Variants in PRELID2 observed in about 807,000 individuals in gnomAD.
PRELID2 encodes the protein PRELI domain containing 2.
A neutral mutation model predicts 28.4 loss-of-function variants in PRELID2; 25 were observed. The ratio of observed to expected loss-of-function variants is 0.88; its 90% CI spans 0.64 to 1.23. The LOEUF (loss-of-function observed/expected upper bound fraction) is 1.23. Among genes scored for constraint, PRELID2 ranks in the 50% most tolerant of loss-of-function variants. PRELID2 has a pLI of 0.00. For synonymous variants in PRELID2, 76 were observed against 71.6 expected, an observed-to-expected ratio of 1.06 and a Z score of -0.31; for missense variants, 201 against 214.4, an observed-to-expected ratio of 0.94 and a Z score of 0.39.
the PRELID2 span, among the ~76,000 whole-genome samples, chr5:145,308,057 C>T: frequency 6.6e-6 from 1 of 152,096 alleles, no homozygotes; most frequent in Admixed American, 6.5e-5. Context: ...AGGGAGGAAG[C>T]GGTAATACAC....
At chr5:145,574,777 C>A (rs1753046609) in intron 1 of PRELID2, among the ~76,000 whole-genome samples, 1 of 152,164 alleles carries the variant, frequency 6.6e-6, no homozygotes, top group East Asian at 1.9e-4. Context: ...CGCATATAAC[C>A]TGTGTATATC....
At chr5:145,492,935 G>A (rs2126628000) in intron 1 of PRELID2, among the ~76,000 whole-genome samples, 1 of 140,776 alleles carries the variant, frequency 7.1e-6, no homozygotes, top group South Asian at 2.7e-4. Flanking sequence ...CTGGTGCTGG[G>A]TGGTAAGCCC....
chr5:145,483,314 G>A (rs1244152670), intron 1 of PRELID2, among the ~76,000 whole-genome samples: 1 of 152,154 alleles, frequency 6.6e-6, no homozygotes, highest in African/African-American at 2.4e-5. Context: ...CAAATAGCAT[G>A]TTTCTACTAG....
At chr5:145,230,750 G>A in the PRELID2 span, among the ~76,000 whole-genome samples, 1 of 152,134 alleles carries the variant, frequency 6.6e-6, no homozygotes, top group Non-Finnish European at 1.5e-5. Context: ...GTTGGTTTTG[G>A]CTCAGAGATT....
the PRELID2 span, among the ~76,000 whole-genome samples, chr5:145,302,599 T>A: frequency 6.6e-6 from 1 of 152,054 alleles, no homozygotes; most frequent in Non-Finnish European, 1.5e-5. Context: ...TATTCTTTTT[T>A]ATTTTAGTAG....
At chr5:145,322,465 T>A in the PRELID2 span, among the ~76,000 whole-genome samples, 1 of 152,190 alleles carries the variant, frequency 6.6e-6, no homozygotes, top group African/African-American at 2.4e-5. Flanking sequence ...ACATGTAGCA[T>A]TGAGAGGACT....
intron 5 of PRELID2, among the ~76,000 whole-genome samples, chr5:145,777,639 G>T (rs1758494869): frequency 6.6e-6 from 1 of 152,124 alleles, no homozygotes; most frequent in African/African-American, 2.4e-5. Context: ...CATGAAGCTG[G>T]CAGGAGCCCA....
At chr5:145,283,139 T>C in the PRELID2 span, among the ~76,000 whole-genome samples, 1 of 152,158 alleles carries the variant, frequency 6.6e-6, no homozygotes, top group Non-Finnish European at 1.5e-5. Context: ...TGCTAAACTT[T>C]AATTGGAATG....
the PRELID2 span, among the ~76,000 whole-genome samples, chr5:145,362,802 T>C: frequency 6.6e-6 from 1 of 152,228 alleles, no homozygotes; most frequent in African/African-American, 2.4e-5. Context: ...CATATTCACA[T>C]GGTGTTTTGG....
downstream of PRELID2, among the ~76,000 whole-genome samples, chr5:145,470,213 C>T (rs1449357003): frequency 6.6e-6 from 1 of 152,046 alleles, no homozygotes; most frequent in African/African-American, 2.4e-5. Flanking sequence ...ACTTGACTCT[C>T]CTTCTGTAGC....
At chr5:145,749,240 C>G (rs1239801207) in intron 1 of PRELID2, among the ~76,000 whole-genome samples, 3 of 152,020 alleles carry the variant, frequency 2.0e-5, no homozygotes, top group African/African-American at 7.2e-5. Flanking sequence ...GGTCTAATAT[C>G]TAGAATTTAC....
chr5:145,610,285 G>A (rs1232603218), intron 1 of PRELID2, among the ~76,000 whole-genome samples: 1 of 152,090 alleles, frequency 6.6e-6, no homozygotes, highest in Non-Finnish European at 1.5e-5. Flanking sequence ...GTGTCCCCCT[G>A]CTTCCTTGAT....
chr5:145,641,917 A>G (rs1392443677), intron 1 of PRELID2, among the ~76,000 whole-genome samples: 1 of 152,126 alleles, frequency 6.6e-6, no homozygotes, highest in Non-Finnish European at 1.5e-5. Flanking sequence ...TCTATCCTTG[A>G]TGGACATTTG....
chr5:145,798,216 G>T (rs1009390729), intron 4 of PRELID2, among the ~76,000 whole-genome samples: 3 of 152,078 alleles, frequency 2.0e-5, no homozygotes, highest in African/African-American at 7.2e-5. Context: ...AAAGTCAAGA[G>T]AGCCTAAGGG....
chr5:145,651,471 C>A (rs1754296586), intron 1 of PRELID2, among the ~76,000 whole-genome samples: 1 of 152,150 alleles, frequency 6.6e-6, no homozygotes, highest in African/African-American at 2.4e-5. Context: ...CAAGTGGGTC[C>A]CTGATCCCTG....
chr5:145,274,292 T>A, the PRELID2 span, among the ~76,000 whole-genome samples: 1 of 152,164 alleles, frequency 6.6e-6, no homozygotes. Flanking sequence ...TGAGATTGTA[T>A]TTGCATTGCT....
At chr5:145,722,152 C>T (rs879572831) in intron 1 of PRELID2, among the ~76,000 whole-genome samples, 12 of 152,050 alleles carry the variant, frequency 7.9e-5, no homozygotes, top group Non-Finnish European at 1.8e-4. Flanking sequence ...CTTTAGCACA[C>T]ATGGAGCATT....
the PRELID2 span, among the ~76,000 whole-genome samples, chr5:145,412,856 G>A: frequency 1.5e-4 from 23 of 152,142 alleles, no homozygotes; most frequent in African/African-American, 4.6e-4. Context: ...CGGAAGGCAC[G>A]TCTTCACAGG....
chr5:145,249,787 G>GA, the PRELID2 span, among the ~76,000 whole-genome samples: 2 of 152,138 alleles, frequency 1.3e-5, no homozygotes, highest in East Asian at 1.9e-4. Flanking sequence ...ATTCTTTACA[G>GA]AAAAAAGACA....
Sources: gnomAD v4.1 joint callset for allele counts (sites outside exome capture counted in the v4.1 genomes callset) on GRCh38, gnomAD v4.1.1 for gene constraint, MANE v1.5 for transcripts, NCBI Gene and HGNC (gene_info 2026-07-23, HGNC 2026-07-21) for gene names.